GLIS3: variants seen among roughly 807,000 people sequenced by gnomAD.
GLIS3 encodes the protein GLIS family zinc finger 3.
A neutral mutation model predicts 78.6 loss-of-function variants in GLIS3; 53 were observed. The observed-to-expected ratio is 0.67, with a 90% CI of 0.54 to 0.85. The LOEUF is 0.85. GLIS3 is among the 40% of genes least tolerant of loss of function. GLIS3 has a pLI of 0.00. For synonymous variants in GLIS3, 684 were observed against 509.9 expected, an observed-to-expected ratio of 1.34 and a Z score of -4.60; for missense variants, 1,703 against 1,231.1, an observed-to-expected ratio of 1.38 and a Z score of -5.74.
the GLIS3 span, among the ~76,000 whole-genome samples, chr9:4,364,000 T>C: frequency 6.6e-6 from 1 of 152,216 alleles, no homozygotes; most frequent in Non-Finnish European, 1.5e-5. Flanking sequence ...AATTTCCCTT[T>C]GGTAGCCTTG....
At chr9:3,909,072 A>T (rs1471006) in intron 6 of GLIS3, among the ~76,000 whole-genome samples, 2,885 of 152,272 alleles carry the variant, frequency 0.019, 94 homozygotes, top group African/African-American at 0.065. Context: ...GTTCTCCAGA[A>T]ATCAAATGCC....
chr9:4,214,127 T>C (rs1423610937), intron 2 of GLIS3, among the ~76,000 whole-genome samples: 2 of 152,162 alleles, frequency 1.3e-5, no homozygotes, highest in Non-Finnish European at 2.9e-5. Context: ...TTCTAACACA[T>C]ATCAAACAAA....
At chr9:3,911,515 C>T (rs639945) in intron 6 of GLIS3, among the ~76,000 whole-genome samples, 2 of 152,194 alleles carry the variant, frequency 1.3e-5, no homozygotes, top group Non-Finnish European at 2.9e-5. Flanking sequence ...CTGCCCCAAA[C>T]TAAGTTATCT....
chr9:3,903,277 G>C (rs190231787), intron 6 of GLIS3, among the ~76,000 whole-genome samples: 1 of 152,128 alleles, frequency 6.6e-6, no homozygotes, highest in Non-Finnish European at 1.5e-5. Flanking sequence ...AACTTGGATT[G>C]TATTTTCTTT....
chr9:3,952,723 G>A (rs1488022375), intron 4 of GLIS3, among the ~76,000 whole-genome samples: 1 of 152,122 alleles, frequency 6.6e-6, no homozygotes, highest in African/African-American at 2.4e-5. Context: ...TCTGAAACAA[G>A]AATATACCAA....
chr9:4,231,650 C>T (rs1822263677), intron 2 of GLIS3, among the ~76,000 whole-genome samples: 1 of 152,254 alleles, frequency 6.6e-6, no homozygotes. Flanking sequence ...TAAAAATAAA[C>T]GTCAAGGCCA....
chr9:4,300,263 A>C (rs1243012908), upstream of GLIS3, among the ~76,000 whole-genome samples: 1 of 151,854 alleles, frequency 6.6e-6, no homozygotes, highest in Non-Finnish European at 1.5e-5. Context: ...GTGCGCCAGA[A>C]GTCGAGGAAC....
At chr9:4,114,765 A>C (rs561857969) in intron 4 of GLIS3, among the ~76,000 whole-genome samples, 9 of 152,244 alleles carry the variant, frequency 5.9e-5, no homozygotes, top group African/African-American at 1.9e-4. Context: ...AATCGAGGCC[A>C]GGCCTGGAAA....
chr9:4,257,101 A>T (rs1825022346), intron 2 of GLIS3, among the ~76,000 whole-genome samples: 1 of 152,234 alleles, frequency 6.6e-6, no homozygotes, highest in Admixed American at 6.5e-5. Context: ...ATATGTATGT[A>T]TACCACAACT....
intron 2 of GLIS3, among the ~76,000 whole-genome samples, chr9:4,266,856 A>G (rs1380457153): frequency 1.3e-5 from 2 of 152,234 alleles, no homozygotes; most frequent in Admixed American, 6.5e-5. Flanking sequence ...ACCAAAGACA[A>G]CATCAAATAT....
the GLIS3 span, among the ~76,000 whole-genome samples, chr9:4,472,369 A>G: frequency 6.6e-6 from 1 of 152,218 alleles, no homozygotes; most frequent in East Asian, 1.9e-4. Flanking sequence ...AATGTCCATC[A>G]ATGATAGACT....
At chr9:4,377,491 C>G in the GLIS3 span, among the ~76,000 whole-genome samples, 3 of 135,484 alleles carry the variant, frequency 2.2e-5, 1 homozygote, top group African/African-American at 5.2e-5. Context: ...TCTTCCTCAG[C>G]TTACAGACGG....
chr9:3,908,423 T>G (rs1392340595), intron 6 of GLIS3, among the ~76,000 whole-genome samples: 1 of 152,230 alleles, frequency 6.6e-6, no homozygotes, highest in African/African-American at 2.4e-5. Flanking sequence ...AACCAATTTG[T>G]GAGCCTCTGA....
intron 4 of GLIS3, among the ~76,000 whole-genome samples, chr9:4,007,902 G>A (rs975717533): frequency 6.7e-6 from 1 of 149,342 alleles, no homozygotes; most frequent in Non-Finnish European, 1.5e-5. Flanking sequence ...GGCGTTGGGG[G>A]GGGGGGGTTA....
chr9:3,911,503 G>A (rs886908417), intron 6 of GLIS3, among the ~76,000 whole-genome samples: 3 of 152,178 alleles, frequency 2.0e-5, no homozygotes, highest in African/African-American at 7.2e-5. Context: ...GATGGTAAAT[G>A]TCTGCCCCAA....
At chr9:4,062,733 C>T (rs1414694820) in intron 4 of GLIS3, among the ~76,000 whole-genome samples, 1 of 152,168 alleles carries the variant, frequency 6.6e-6, no homozygotes, top group African/African-American at 2.4e-5. Context: ...TGAGACCATC[C>T]TGGCTAACAC....
chr9:4,192,814 A>AG (rs1818447823), intron 2 of GLIS3, among the ~76,000 whole-genome samples: 1 of 151,946 alleles, frequency 6.6e-6, no homozygotes, highest in African/African-American at 2.4e-5. Context: ...TATTTAAAAA[A>AG]AAAAAAAGAA....
chr9:3,849,100 G>C (rs966778963), intron 9 of GLIS3, among the ~76,000 whole-genome samples: 2 of 152,224 alleles, frequency 1.3e-5, no homozygotes, highest in Non-Finnish European at 2.9e-5. Context: ...ATGGATGACA[G>C]AAATCTCTGT....
chr9:4,240,073 G>C (rs1389649289), intron 2 of GLIS3, among the ~76,000 whole-genome samples: 1 of 151,114 alleles, frequency 6.6e-6, no homozygotes, highest in Non-Finnish European at 1.5e-5. Flanking sequence ...TAGTATGTAA[G>C]TAGTGGACAC....
Sources: allele counts gnomAD v4.1 joint callset (sites outside exome capture counted in the v4.1 genomes callset), GRCh38; gene constraint gnomAD v4.1.1; transcripts MANE v1.5; gene names NCBI Gene and HGNC (gene_info 2026-07-23, HGNC 2026-07-21).